The following CSMD1 variants were observed in gnomAD, a reference collection of about 807,000 sequenced individuals.
CSMD1 encodes the protein CUB and sushi domain-containing protein 1.
A neutral mutation model predicts 417.5 loss-of-function variants in CSMD1; 213 were observed. The observed-to-expected ratio is 0.51, with a 90% confidence interval of 0.46 to 0.57. CSMD1 has a LOEUF of 0.57. Ranked by LOEUF, CSMD1 falls within the 20% of genes least tolerant of loss-of-function variation. CSMD1 has a pLI of 0.00. For missense variants in CSMD1, 6,923 were observed against 4,529.7 expected (o/e 1.53, Z -15.17); for synonymous variants, 2,862 against 1,736.8 (o/e 1.65, Z -16.11).
chr8:4,984,664 G>A (rs1489077835), intron 1 of CSMD1, among the ~76,000 whole-genome samples: 2 of 152,154 alleles, frequency 1.3e-5, no homozygotes, highest in Non-Finnish European at 2.9e-5. Context: ...GAATGAACTT[G>A]CCAGATAGAT....
chr8:4,492,871 A>G (rs562287792), intron 2 of CSMD1, among the ~76,000 whole-genome samples: 11 of 152,320 alleles, frequency 7.2e-5, no homozygotes, highest in African/African-American at 2.6e-4. Context: ...ATGCTTGAAA[A>G]ATACATTTTT....
rs73499404 is a variant in CSMD1, at chr8:4,987,358, G to C, written c.85+6974C>G. ...AGCTATAATGATAACGGTGACAGGC[G>C]TGTTCAGTACAGAAAGCAGAGGGTT... On this transcript the variant is annotated intron_variant, in intron 1 of 69. Coordinates refer to ENST00000635120, the MANE Select transcript of CSMD1 (RefSeq NM_033225.6). Among the ~76,000 whole-genome samples, 8 of 152,128 alleles carry C rather than the reference G, an allele frequency of 5.3e-5. No individual in the cohort carries two copies. In the South Asian group the frequency reaches 1.5e-3, roughly 28 times the overall value.
intron 10 of CSMD1, among the ~76,000 whole-genome samples, chr8:3,562,110 T>A (rs1159940357): frequency 6.9e-6 from 1 of 144,484 alleles, no homozygotes; most frequent in Non-Finnish European, 1.5e-5. Flanking sequence ...CATAACCATA[T>A]GAGGGAAAAG....
At chr8:3,658,893 G>C (rs997250742) in intron 7 of CSMD1, among the ~76,000 whole-genome samples, 1 of 152,146 alleles carries the variant, frequency 6.6e-6, no homozygotes, top group African/African-American at 2.4e-5. Context: ...CTTCTGTTTT[G>C]CCATTTCAAT....
chr8:4,371,029 G>C (rs941057205), intron 3 of CSMD1, among the ~76,000 whole-genome samples: 1 of 152,200 alleles, frequency 6.6e-6, no homozygotes, highest in African/African-American at 2.4e-5. Flanking sequence ...TCTTGGAGTG[G>C]TTCATTCTCT....
At chr8:4,165,130 C>G (rs1316019364) in intron 3 of CSMD1, among the ~76,000 whole-genome samples, 1 of 152,128 alleles carries the variant, frequency 6.6e-6, no homozygotes, top group African/African-American at 2.4e-5. Context: ...GCATGCATGA[C>G]AGGTATCTAT....
At chr8:4,534,040 T>G (rs979500000) in intron 2 of CSMD1, among the ~76,000 whole-genome samples, 54 of 151,968 alleles carry the variant, frequency 3.6e-4, no homozygotes, top group Admixed American at 2.4e-3. Context: ...TCTTCCAATT[T>G]ATAGATATTG....
chr8:4,308,796 A>G (rs1290543718), intron 3 of CSMD1, among the ~76,000 whole-genome samples: 2 of 152,218 alleles, frequency 1.3e-5, no homozygotes, highest in African/African-American at 2.4e-5. Flanking sequence ...TAATTCACAG[A>G]TGAGTTATTA....
chr8:4,972,279 AC>A (rs1810285492), intron 1 of CSMD1, among the ~76,000 whole-genome samples: 1 of 148,388 alleles, frequency 6.7e-6, no homozygotes, highest in African/African-American at 2.6e-5. Context: ...TTGCTCTGTC[AC>A]CACCAAAAAT....
chr8:4,803,168 G>A (rs998629982), intron 1 of CSMD1, among the ~76,000 whole-genome samples: 1 of 152,086 alleles, frequency 6.6e-6, no homozygotes, highest in Non-Finnish European at 1.5e-5. Context: ...TAAGCTATTT[G>A]TTAATATTCT....
chr8:3,643,700 C>CAAAAA lies in CSMD1; in HGVS notation c.1010-26908_1010-26904dup, dbSNP rs66500235. Among the ~76,000 whole-genome samples the CAAAAA allele has an allele frequency of 5.9e-3, 502 of 85,308 alleles. 15 individuals carry two copies. The highest frequency in any genetic ancestry group is 0.023 in the African/African-American group (480 of 20,492). The allele number at this position is 85,308 out of a possible 152,430, so 56.0% of individuals were successfully genotyped here. Reference sequence around the variant, plus strand: ...TGGGCGACAGCGTGAGACTCCGTCTCAAAAAAAAAAAAAAAAAAAAAAGGA... The same window carrying CAAAAA: ...TGGGCGACAGCGTGAGACTCCGTCTCAAAAAAAAAAAAAAAAAAAAAAAAAAAGGA... On this transcript the variant is annotated intron_variant, in intron 7 of 69. Coordinates refer to ENST00000635120, the MANE Select transcript of CSMD1 (RefSeq NM_033225.6).
At chr8:4,823,455 TGGGGTACTTAGGGCAACC>T (rs1799633419) in intron 1 of CSMD1, among the ~76,000 whole-genome samples, 1 of 152,012 alleles carries the variant, frequency 6.6e-6, no homozygotes, top group African/African-American at 2.4e-5. Context: ...ACTGGTAAAA[TGGGGTACTTAGGGCAACC>T]GAGGATTCCA....
chr8:4,858,997 G>A (rs1167509278), intron 1 of CSMD1, among the ~76,000 whole-genome samples: 36 of 150,382 alleles, frequency 2.4e-4, no homozygotes, highest in African/African-American at 6.6e-4. Context: ...GAGGCATCAC[G>A]CTACCTGACT....
At chr8:4,362,718 C>CT in intron 3 of CSMD1, among the ~76,000 whole-genome samples, 1 of 152,274 alleles carries the variant, frequency 6.6e-6, no homozygotes, top group Middle Eastern at 3.4e-3. Flanking sequence ...GAGAAAAGGA[C>CT]TTTCTTTACA....
At chr8:4,620,787 A>G (rs1232059718) in intron 2 of CSMD1, among the ~76,000 whole-genome samples, 1 of 151,958 alleles carries the variant, frequency 6.6e-6, no homozygotes, top group East Asian at 1.9e-4. Flanking sequence ...CTACTTATTT[A>G]TAAAAAAGAG....
intron 3 of CSMD1, among the ~76,000 whole-genome samples, chr8:4,076,850 G>C (rs913835884): frequency 6.6e-6 from 1 of 152,038 alleles, no homozygotes; most frequent in Non-Finnish European, 1.5e-5. Flanking sequence ...ACTTAAGATA[G>C]GCTACTCTTT....
chr8:3,033,967 GC>G (rs1810506622), intron 50 of CSMD1, among the ~76,000 whole-genome samples: 1 of 152,042 alleles, frequency 6.6e-6, no homozygotes, highest in Non-Finnish European at 1.5e-5. Flanking sequence ...CCCATCGCGG[GC>G]CCCAGACTAG....
At chr8:4,022,557 A>T (rs561327852) in intron 4 of CSMD1, among the ~76,000 whole-genome samples, 2 of 152,304 alleles carry the variant, frequency 1.3e-5, no homozygotes, top group East Asian at 3.9e-4. Context: ...GTCATGAAAC[A>T]GGGTGTGCAT....
chr8:3,420,507 C>T (rs577999653), intron 12 of CSMD1, among the ~76,000 whole-genome samples: 2 of 148,338 alleles, frequency 1.3e-5, no homozygotes, highest in South Asian at 2.2e-4. Context: ...ATGTACCTAA[C>T]GATATAAAGT....
Sources: gnomAD v4.1 joint callset for allele counts (sites outside exome capture counted in the v4.1 genomes callset) on GRCh38, gnomAD v4.1.1 for gene constraint, MANE v1.5 for transcripts, NCBI Gene and HGNC (gene_info 2026-07-23, HGNC 2026-07-21) for gene names.